MMEL1: variants seen among roughly 807,000 people sequenced by gnomAD.
MMEL1 encodes membrane metalloendopeptidase like 1, also known as membrane metallo-endopeptidase-like 1.
In MMEL1, 98 loss-of-function variants were observed where a neutral mutation model predicts 117.1. The observed-to-expected ratio is 0.84, with a 90% confidence interval of 0.71 to 0.99. The LOEUF is 0.99. Ranked by LOEUF, MMEL1 falls within the 50% of genes least tolerant of loss-of-function variation. MMEL1 has a pLI of 0.00. For synonymous variants in MMEL1, 390 were observed against 415.1 expected, an observed-to-expected ratio of 0.94 and a Z score of 0.74; for missense variants, 1,014 against 1,049.1, an observed-to-expected ratio of 0.97 and a Z score of 0.46.
chr1:2,603,997 C>G, intron 10 of MMEL1, 24 bp from the exon 11 acceptor site: 1 of 1,611,954 alleles, frequency 6.2e-7, no homozygotes, highest in Non-Finnish European at 8.5e-7. Flanking sequence ...AGCAGTCACA[C>G]GGGCGGGTGG....
At chr1:2,629,221 A>C in intron 2 of MMEL1, 110 bp downstream of exon 2, 1 of 1,247,480 alleles carries the variant, frequency 8.0e-7, no homozygotes, top group Non-Finnish European at 1.1e-6. Context: ...CACCTGCCCC[A>C]TCTGACGGGC....
Position 2,598,319 on chromosome 1 carries a change from G to A in MMEL1, c.1179-19C>T, listed in dbSNP as rs780939626. 6.2e-7 allele frequency: 1 copy of A among 1,611,976 alleles called. No homozygotes were observed. Among genetic ancestry groups the A allele is most frequent in the Admixed American group, 1.7e-5 (1 of 60,018 alleles). On this transcript the variant is annotated intron_variant, in intron 12 of 23. Transcript: ENST00000378412. ...TATGGTCCTGGGGGCAGAAGGTAGA[G>A]GGTGAGGGGAGAACAGGTGAGAGGT... is the stretch of plus-strand genomic sequence containing the variant.
rs376127666 is a variant in MMEL1, at chr1:2,606,185, T to C, written c.750+63A>G. 40 of 1,349,556 alleles carry C rather than the reference T, an allele frequency of 3.0e-5. No homozygotes were observed. The East Asian group carries it at 4.6e-4, about 15-fold the overall frequency. 83.6% of individuals were successfully genotyped at this position (1,349,556 alleles called of 1,614,324 possible). Reference sequence around the variant, plus strand: ...GGCCTGGCCCATCCTTCTGCTGTGCTGCAAGAGCCCCCAGCCAGGCTTGGG... The same window carrying C: ...GGCCTGGCCCATCCTTCTGCTGTGCCGCAAGAGCCCCCAGCCAGGCTTGGG... On this transcript the variant is annotated intron_variant, in intron 8 of 23. Coordinates refer to ENST00000378412, the MANE Select transcript of MMEL1 (RefSeq NM_033467.4).
rs1447849854 is a variant in MMEL1, at chr1:2,596,660, C to A, written c.1302G>T (p.Val434=). Reference sequence around the variant, plus strand: ...CGTAGCCCACACATTCACGCCAGCGCACCTCCTCCACCATTGTGCCAAACA... The same window carrying A: ...CGTAGCCCACACATTCACGCCAGCGAACCTCCTCCACCATTGTGCCAAACA... The part of the protein sequence containing the change: ...KALFGTMVEE[V]RWRECVGYVN... Residue 434 remains valine (V), a synonymous_variant, in exon 14 of 24, where the codon GTG becomes GTT. Coordinates refer to ENST00000378412, the MANE Select transcript of MMEL1 (RefSeq NM_033467.4). 1 of 1,612,950 alleles carries A rather than the reference C, an allele frequency of 6.2e-7. No individual in the cohort carries two copies. Among genetic ancestry groups the A allele is most frequent in the African/African-American group, 1.3e-5 (1 of 74,920 alleles).
In MMEL1 at chr1:2,591,076, GCGACC is replaced by G. The variant is rs1205004248; in HGVS notation, c.2249_2253del (p.Gly750AlafsTer84). The G allele has an allele frequency of 7.5e-6, 12 of 1,601,580 alleles. No individual in the cohort carries two copies. The highest frequency in any genetic ancestry group is 9.4e-6 in the Non-Finnish European group (11 of 1,174,568). On this transcript the variant is annotated frameshift_variant, in exon 24 of 24. Transcript: ENST00000378412. LOFTEE classifies it high-confidence loss of function. Reference sequence around the variant, plus strand: ...TCTGCGAAGGCGGCCAGGTTCTGCAGCGACCCCAGTACCCTGTGGGTGGGTGGGTG... The same window carrying G: ...TCTGCGAAGGCGGCCAGGTTCTGCAGCCAGTACCCTGTGGGTGGGTGGGTG...
chr1:2,612,736 A>G lies in MMEL1; in HGVS notation c.155-532T>C, dbSNP rs1372708626. ...CAAGCCACCCTCCCTCCATCTCTCT[A>G]CTGCCTGCTGGGAGGGGCCTGCCTG... On this transcript the variant is annotated intron_variant, in intron 2 of 23. Transcript: ENST00000378412. The surrounding 1 kb of genome is among the most constrained non-coding windows in gnomAD (Gnocchi z 5.4). 3.3e-5 allele frequency among the ~76,000 whole-genome samples: 5 copies of G among 151,764 alleles called. No homozygotes were observed. Among genetic ancestry groups the G allele is most frequent in the Non-Finnish European group, 7.4e-5 (5 of 67,928 alleles).
chr1:2,603,451 C>T (rs975011824), intron 11 of MMEL1, among the ~76,000 whole-genome samples: 12 of 152,258 alleles, frequency 7.9e-5, no homozygotes, highest in South Asian at 4.1e-4. Context: ...GGCAGGGGAG[C>T]GCCTGAGGGT....
In MMEL1 at chr1:2,598,524, C is replaced by T. The variant is rs1380114517; in HGVS notation, c.1178+130G>A. 3.5e-6 allele frequency: 5 copies of T among 1,447,414 alleles called. No individual in the cohort carries two copies. The East Asian group carries it at 1.2e-4, about 34-fold the overall frequency. The allele number at this position is 1,447,414 out of a possible 1,614,324, so 89.7% of individuals were successfully genotyped here. A position where few individuals can be genotyped will look rare whatever the true frequency, so the allele number is the denominator to read the frequency against. On this transcript the variant is annotated intron_variant, in intron 12 of 23. Transcript: ENST00000378412. ...CTCCACTGGCCACTAAAGCTTAACCCCTCATGTCCCACACCCCTCAGGGCA... is the reference window on the plus strand; with the variant it reads ...CTCCACTGGCCACTAAAGCTTAACCTCTCATGTCCCACACCCCTCAGGGCA...
At chr1:2,594,587 G>T in intron 17 of MMEL1, 144 bp from the exon 18 acceptor site, 2 of 1,128,316 alleles carry the variant, frequency 1.8e-6, no homozygotes, top group African/African-American at 1.5e-5. Flanking sequence ...CCTTCCTGGG[G>T]TCCCTGAGGA....
At chr1:2,630,641 G>GTC (rs1491260230) in intron 1 of MMEL1, among the ~76,000 whole-genome samples, 8 of 151,622 alleles carry the variant, frequency 5.3e-5, no homozygotes, top group African/African-American at 1.9e-4. Flanking sequence ...CTGTGCTCGC[G>GTC]TGTGTGCGTG....
In MMEL1 at chr1:2,592,868, C is replaced by T. The variant is rs767949894; in HGVS notation, c.1966G>A (p.Gly656Ser). 16 of 1,613,592 alleles carry T rather than the reference C, an allele frequency of 9.9e-6. No individual in the cohort carries two copies. Among genetic ancestry groups the T allele is most frequent in the Admixed American group, 8.3e-5 (5 of 59,984 alleles). Residue 656 changes from glycine to serine, a missense_variant, in exon 20 of 24, where the codon GGC becomes AGC. By Grantham distance (56) the Gly-to-Ser change is moderately conservative. Coordinates refer to ENST00000378412, the MANE Select transcript of MMEL1 (RefSeq NM_033467.4). ...EQSECMIYQY[G>S]NYSWDLADEQ... is the part of the protein sequence containing the mutation. ...TCTGCCAGGTCCCAGGAGTAGTTGC[C>T]GTACTGGTAGATCATGCACTCTGAC... is the stretch of plus-strand genomic sequence containing the variant.
chr1:2,609,837 C>G lies in MMEL1; in HGVS notation c.293-6G>C, dbSNP rs371545720. On this transcript the variant is annotated splice_region_variant and splice_polypyrimidine_tract_variant and intron_variant, in intron 4 of 23. Coordinates refer to ENST00000378412, the MANE Select transcript of MMEL1 (RefSeq NM_033467.4). The stretch of plus-strand genomic sequence containing the variant: ...GTTCTGGAGGATCCTGGCAGCTGCT[C>G]GTCCCCATGGCGTGGAGCAGGGAGA... 1.2e-6 allele frequency: 2 copies of G among 1,600,310 alleles called. No individual in the cohort carries two copies. Among genetic ancestry groups the G allele is most frequent in the Admixed American group, 1.7e-5 (1 of 59,146 alleles).
chr1:2,615,940 C>G (rs1249203041), intron 2 of MMEL1, among the ~76,000 whole-genome samples: 1 of 152,124 alleles, frequency 6.6e-6, no homozygotes, highest in African/African-American at 2.4e-5. Context: ...GTATCCCAAG[C>G]TGGGCAAATA....
chr1:2,606,850 G>C, intron 7 of MMEL1, 124 bp downstream of exon 7: 8 of 875,586 alleles, frequency 9.1e-6, no homozygotes, highest in Non-Finnish European at 1.3e-5. Context: ...GCCTCTTGGG[G>C]CTCCTGAGAG....
chr1:2,621,986 CT>C (rs1347234436), intron 2 of MMEL1, among the ~76,000 whole-genome samples: 1 of 152,198 alleles, frequency 6.6e-6, no homozygotes, highest in Non-Finnish European at 1.5e-5. Flanking sequence ...CCATTGGTCA[CT>C]CGTATTTGGC....
In MMEL1 at chr1:2,595,958, G is replaced by C; in HGVS notation, c.1500+51C>G. 6.6e-7 allele frequency: 1 copy of C among 1,505,092 alleles called. No homozygotes were observed. The highest frequency in any genetic ancestry group is 9.2e-7 in the Non-Finnish European group (1 of 1,083,066). The allele number at this position is 1,505,092 out of a possible 1,614,324, so 93.2% of individuals were successfully genotyped here. Reference sequence around the variant, plus strand: ...CAGGAGGCTTTGTCGGGGCGGTGCTGCCCGTGCCCAGATCCAGTCGGGGCT... The same window carrying C: ...CAGGAGGCTTTGTCGGGGCGGTGCTCCCCGTGCCCAGATCCAGTCGGGGCT... On this transcript the variant is annotated intron_variant, in intron 15 of 23. Transcript: ENST00000378412. This position sits in a 1 kb window ranked among gnomAD's most constrained non-coding sequence, Gnocchi z 4.8.
chr1:2,611,784 C>T (rs1307054469), intron 3 of MMEL1, among the ~76,000 whole-genome samples: 1 of 152,244 alleles, frequency 6.6e-6, no homozygotes, highest in African/African-American at 2.4e-5. Context: ...CTGCCCAGCC[C>T]ACTCTCACCT....
At position 2,605,478 on chromosome 1, in the gene MMEL1, A is replaced by G. The variant is rs1360260682; in HGVS notation, c.816+80T>C. 5.6e-6 allele frequency: 7 copies of G among 1,251,090 alleles called. No homozygotes were observed. In the East Asian group the frequency reaches 1.4e-4, roughly 25 times the overall value. The allele number at this position is 1,251,090 out of a possible 1,614,324, so 77.5% of individuals were successfully genotyped here. ...ACACCAGCTTCGGGGAGGGAAGGCC[A>G]GGTGGGCAACGGGAAGGCCAGACCA... is the stretch of plus-strand genomic sequence containing the variant. On this transcript the variant is annotated intron_variant, in intron 9 of 23. Transcript: ENST00000378412.
At chr1:2,596,241 G>A in intron 14 of MMEL1, 134 bp from the exon 15 acceptor site, 6 of 816,906 alleles carry the variant, frequency 7.3e-6, no homozygotes, top group East Asian at 2.5e-5. Flanking sequence ...GGCCTCTCAG[G>A]TGAGGTGTGG....
Sources: allele counts gnomAD v4.1 joint callset (sites outside exome capture counted in the v4.1 genomes callset), GRCh38; gene constraint gnomAD v4.1.1; non-coding constraint Gnocchi (gnomAD v3.1); transcripts MANE v1.5; gene names NCBI Gene and HGNC (gene_info 2026-07-23, HGNC 2026-07-21).